Variants in MYO10 observed in about 807,000 individuals in gnomAD.
MYO10 encodes unconventional myosin-X.
In MYO10, 133 loss-of-function variants were observed where a neutral mutation model predicts 257.3. The observed-to-expected ratio is 0.52, with a 90% CI of 0.45 to 0.60. The LOEUF (loss-of-function observed/expected upper bound fraction) is 0.60, where lower values mean the gene tolerates loss of function less well. Among genes scored for constraint, MYO10 ranks in the 20% least tolerant of loss-of-function variants. MYO10 has a pLI of 0.00. For synonymous variants in MYO10, 1,104 were observed against 1,028.6 expected (o/e 1.07, Z -1.40); for missense variants, 2,399 against 2,635.7 (o/e 0.91, Z 1.97).
At chr5:16,830,693 A>ACACTCACACACACACACACT (rs1371029905) in intron 2 of MYO10, among the ~76,000 whole-genome samples, 2 of 151,048 alleles carry the variant, frequency 1.3e-5, no homozygotes, top group Non-Finnish European at 2.9e-5. Flanking sequence ...ACACACACAC[A>ACACTCACACACACACACACT]CACACACAGG....
rs1554000155 is a variant in MYO10 at position 16,823,446 on chromosome 5, C to CAGGG, written c.121-5280_121-5279insCCCT. ...GATGACAGGGCAAGACTCCATCTTG[C>CAGGG]GCGGGGGGGGGGGGAGTGGGGATTT... On this transcript the variant is annotated intron_variant, in intron 2 of 40. Coordinates refer to ENST00000513610, the MANE Select transcript of MYO10 (RefSeq NM_012334.3). 4.8e-3 allele frequency among the ~76,000 whole-genome samples: 20 copies of CAGGG among 4,192 alleles called. 2 individuals are homozygous for CAGGG. The highest frequency in any genetic ancestry group is 6.8e-3 in the Non-Finnish European group (12 of 1,752). 2.8% of individuals were successfully genotyped at this position (4,192 alleles called of 152,430 possible).
At chr5:16,667,955 A>G (rs1277356367) in intron 40 of MYO10, among the ~76,000 whole-genome samples, 4 of 152,146 alleles carry the variant, frequency 2.6e-5, no homozygotes, top group Non-Finnish European at 5.9e-5. Flanking sequence ...ACTAATTTTC[A>G]TAAGGTTTTG....
chr5:16,823,139 A>T (rs901280727), intron 2 of MYO10, among the ~76,000 whole-genome samples: 11 of 150,234 alleles, frequency 7.3e-5, no homozygotes, highest in Non-Finnish European at 1.0e-4. Flanking sequence ...GAAAACTCTA[A>T]GTTTAAAGAA....
At chr5:16,788,441 C>T (rs955856780) in intron 4 of MYO10, among the ~76,000 whole-genome samples, 12 of 152,122 alleles carry the variant, frequency 7.9e-5, no homozygotes, top group African/African-American at 2.4e-4. Context: ...TTGGTGGCGG[C>T]GGGGAAGAAT....
chr5:16,815,484 T>C (rs1199745622), intron 3 of MYO10: 2 of 693,534 alleles, frequency 2.9e-6, no homozygotes, highest in East Asian at 2.7e-5. Context: ...CATACACCAA[T>C]AAAAAATTTT....
chr5:16,854,424 T>C (rs1434016727), intron 2 of MYO10, among the ~76,000 whole-genome samples: 1 of 152,164 alleles, frequency 6.6e-6, no homozygotes, highest in African/African-American at 2.4e-5. Flanking sequence ...GAAAACATTA[T>C]GCTAAGTGAA....
At chr5:16,693,148 G>T (rs937537296) in intron 27 of MYO10, among the ~76,000 whole-genome samples, 1 of 152,160 alleles carries the variant, frequency 6.6e-6, no homozygotes, top group South Asian at 2.1e-4. Flanking sequence ...CACACCTATA[G>T]TCCCAACAAC....
At chr5:16,904,376 A>G (rs1005833066) in intron 1 of MYO10, among the ~76,000 whole-genome samples, 6 of 152,160 alleles carry the variant, frequency 3.9e-5, no homozygotes, top group African/African-American at 1.4e-4. Context: ...AAATTAACTG[A>G]AACCCAGGAG....
At chr5:16,905,896 C>A (rs886610717) in intron 1 of MYO10, among the ~76,000 whole-genome samples, 2 of 152,082 alleles carry the variant, frequency 1.3e-5, no homozygotes, top group Non-Finnish European at 2.9e-5. Flanking sequence ...TGAGTAGGGA[C>A]AACCACTCAG....
chr5:16,770,740 A>G (rs1370423748), intron 9 of MYO10, among the ~76,000 whole-genome samples: 1 of 152,206 alleles, frequency 6.6e-6, no homozygotes, highest in Non-Finnish European at 1.5e-5. Context: ...TGGAGATTTA[A>G]CACTGCGAAA....
At chr5:16,893,981 C>T (rs915981304) in intron 1 of MYO10, among the ~76,000 whole-genome samples, 1 of 152,114 alleles carries the variant, frequency 6.6e-6, no homozygotes, top group African/African-American at 2.4e-5. Flanking sequence ...TTAGTGGTGG[C>T]ATTGTCATTA....
intron 2 of MYO10, among the ~76,000 whole-genome samples, chr5:16,849,720 A>G (rs914242352): frequency 6.6e-6 from 1 of 152,202 alleles, no homozygotes; most frequent in Non-Finnish European, 1.5e-5. Context: ...ATTTCAGGAG[A>G]TACTTGTTCG....
intron 1 of MYO10, among the ~76,000 whole-genome samples, chr5:16,885,488 A>G (rs1744870878): frequency 6.6e-6 from 1 of 152,140 alleles, no homozygotes; most frequent in South Asian, 2.1e-4. Context: ...CCTGGCCAAC[A>G]TGATGAAACT....
chr5:16,912,988 C>CAA (rs5866219), intron 1 of MYO10, among the ~76,000 whole-genome samples: 59 of 138,620 alleles, frequency 4.3e-4, no homozygotes, highest in African/African-American at 1.5e-3. Context: ...TGTTTATTCC[C>CAA]AAAAAAAAAA....
chr5:16,834,015 G>GC (rs904193073), intron 2 of MYO10, among the ~76,000 whole-genome samples: 7 of 151,798 alleles, frequency 4.6e-5, no homozygotes, highest in East Asian at 1.9e-4. Context: ...TCTCTGCCAG[G>GC]CCCCCCCGAA....
intron 1 of MYO10, among the ~76,000 whole-genome samples, chr5:16,919,035 T>G (rs952720146): frequency 6.6e-6 from 1 of 152,154 alleles, no homozygotes. Flanking sequence ...GAAGCAAATA[T>G]GCATTCCTGA....
intron 9 of MYO10, among the ~76,000 whole-genome samples, chr5:16,773,461 T>C (rs2126661469): frequency 6.6e-6 from 1 of 152,132 alleles, no homozygotes; most frequent in Middle Eastern, 3.4e-3. Flanking sequence ...TATATAATCA[T>C]TTTTTAGCCT....
At position 16,674,862 on chromosome 5, in the gene MYO10, T is replaced by C. The variant is rs1433845145; in HGVS notation, c.4955A>G (p.His1652Arg). 1 of 1,613,748 alleles carries C rather than the reference T, an allele frequency of 6.2e-7. No homozygotes were observed. Among genetic ancestry groups the C allele is most frequent in the East Asian group, 2.2e-5 (1 of 44,894 alleles). The change falls in exon 35 of 41, where the codon CAT becomes CGT. Residue 1652 changes from histidine to arginine, a missense_variant. Physicochemically the swap from His to Arg is conservative, Grantham distance 29. This residue lies in a region of MYO10 where 1,820 missense variants were observed against 1,939.4 expected (regional missense o/e 0.94). Transcript: ENST00000513610. ...SRGILKYLKF[H>R]LKRIREQFPG... ...TGCCCCCATGCTTTACCTTTTCAGA[T>C]GGAACTTGAGATACTTGAGAATCCC...
chr5:16,838,286 G>A (rs1743372342), intron 2 of MYO10, among the ~76,000 whole-genome samples: 1 of 152,210 alleles, frequency 6.6e-6, no homozygotes, highest in African/African-American at 2.4e-5. Flanking sequence ...AAAATTTCTT[G>A]AAGGAAATTA....
Sources: allele counts gnomAD v4.1 joint callset (sites outside exome capture counted in the v4.1 genomes callset), GRCh38; gene constraint gnomAD v4.1.1; regional missense constraint gnomAD v4.1.1; transcripts MANE v1.5; gene names NCBI Gene and HGNC (gene_info 2026-07-23, HGNC 2026-07-21).